The following ST7L variants were observed in gnomAD, a reference collection of about 807,000 sequenced individuals.
ST7L encodes suppression of tumorigenicity 7 like.
In ST7L, 57 loss-of-function variants were observed where a neutral mutation model predicts 72.5. That is an observed-to-expected ratio of 0.79 (90% CI 0.64 to 0.98). The LOEUF is 0.98. Ranked by LOEUF, ST7L falls within the 50% of genes least tolerant of loss-of-function variation. ST7L has a pLI of 0.00. For missense variants in ST7L, 576 were observed against 672.2 expected, an observed-to-expected ratio of 0.86 and a Z score of 1.58; for synonymous variants, 221 against 240.9, an observed-to-expected ratio of 0.92 and a Z score of 0.77.
At chr1:112,591,963 C>G (rs573339732) in intron 5 of ST7L, among the ~76,000 whole-genome samples, 1 of 151,908 alleles carries the variant, frequency 6.6e-6, no homozygotes, top group African/African-American at 2.4e-5. Flanking sequence ...CTACTTTTAT[C>G]ATTCTGAAAA....
At chr1:112,520,160 G>A, downstream of ST7L, 1 of 926,198 alleles carries the variant, frequency 1.1e-6, no homozygotes. Flanking sequence ...GCATGAGTGA[G>A]CCACTGTGCC....
intron 13 of ST7L, among the ~76,000 whole-genome samples, chr1:112,546,674 T>A (rs143949321): frequency 6.6e-6 from 1 of 152,208 alleles, no homozygotes; most frequent in Non-Finnish European, 1.5e-5. Context: ...TAGTCCCTTA[T>A]GAAGTCCAAA....
chr1:112,540,604 A>G, intron 14 of ST7L: 2 of 985,456 alleles, frequency 2.0e-6, no homozygotes, highest in East Asian at 1.1e-4. Flanking sequence ...AACTTAACAC[A>G]TTATATGGTT....
chr1:112,558,807 C>A (rs191845759), intron 11 of ST7L, among the ~76,000 whole-genome samples: 1 of 152,232 alleles, frequency 6.6e-6, no homozygotes, highest in East Asian at 1.9e-4. Context: ...CTAATCCTTG[C>A]CCATTTTTTT....
intron 2 of ST7L, among the ~76,000 whole-genome samples, chr1:112,614,433 A>G (rs943362314): frequency 6.6e-6 from 1 of 152,192 alleles, no homozygotes; most frequent in Non-Finnish European, 1.5e-5. Context: ...TGGACTAAAC[A>G]TGCTAAAATA....
At chr1:112,573,003 G>A (rs1166665445) in intron 11 of ST7L, among the ~76,000 whole-genome samples, 1 of 152,032 alleles carries the variant, frequency 6.6e-6, no homozygotes, top group East Asian at 1.9e-4. Context: ...AGTAAGATTG[G>A]CAAATCCCTA....
rs192894584 is a variant in ST7L at position 112,529,899 on chromosome 1, T to G, written c.1630-3788A>C. The G allele has an allele frequency of 4.6e-5, 7 of 152,302 alleles. No individual in the cohort carries two copies. In the East Asian group the frequency reaches 1.3e-3, roughly 29 times the overall value. The allele number at this position is 152,302 out of a possible 1,614,324, so 9.4% of individuals were successfully genotyped here. A position where few individuals can be genotyped will look rare whatever the true frequency, so the allele number is the denominator to read the frequency against. ...AATGTTAGCAGACACAGTTGCTAGT[T>G]TGAACAGGAATGCAGATGAATGGAT... On this transcript the variant is annotated intron_variant, in intron 14 of 14. Coordinates refer to ENST00000358039, the MANE Select transcript of ST7L (RefSeq NM_017744.5).
At chr1:112,549,898 C>A (rs1384828326) in intron 13 of ST7L, among the ~76,000 whole-genome samples, 1 of 152,018 alleles carries the variant, frequency 6.6e-6, no homozygotes, top group East Asian at 1.9e-4. Flanking sequence ...CAGTCTTTCT[C>A]CATTAAATAT....
chr1:112,578,769 C>T (rs1043380653), intron 9 of ST7L, among the ~76,000 whole-genome samples: 5 of 151,660 alleles, frequency 3.3e-5, no homozygotes, highest in African/African-American at 4.8e-5. Flanking sequence ...AGTGAAACTC[C>T]GTCTCCAAAA....
intron 11 of ST7L, among the ~76,000 whole-genome samples, chr1:112,568,865 T>TAAATAAATAA (rs1205660972): frequency 1.9e-4 from 17 of 91,178 alleles, no homozygotes; most frequent in East Asian, 1.2e-3. Flanking sequence ...AATATAAATA[T>TAAATAAATAA]ATATATATAT....
Position 112,597,934 on chromosome 1 carries a change from G to C in ST7L, c.622+37C>G, listed in dbSNP as rs773182604. The C allele has an allele frequency of 4.8e-6, 7 of 1,452,416 alleles. No homozygotes were observed. In the African/African-American group the frequency reaches 8.6e-5, roughly 18 times the overall value. The allele number at this position is 1,452,416 out of a possible 1,614,324, so 90.0% of individuals were successfully genotyped here. ...AAAGAACTTTTAAGATGATCTTCAT[G>C]ATCACTGTTTATACTATGAACAGAT... is the stretch of plus-strand genomic sequence containing the variant. On this transcript the variant is annotated intron_variant, in intron 5 of 14. Coordinates refer to ENST00000358039, the MANE Select transcript of ST7L (RefSeq NM_017744.5).
intron 12 of ST7L, among the ~76,000 whole-genome samples, chr1:112,554,561 T>C (rs757754299): frequency 6.6e-6 from 1 of 152,192 alleles, no homozygotes; most frequent in African/African-American, 2.4e-5. Flanking sequence ...AAAAAAACAC[T>C]ACTGAGCTTC....
chr1:112,591,884 A>G (rs543135733), intron 5 of ST7L, among the ~76,000 whole-genome samples: 2 of 152,302 alleles, frequency 1.3e-5, no homozygotes, highest in East Asian at 3.9e-4. Flanking sequence ...GAACATTTAT[A>G]TATCTAAATG....
chr1:112,606,628 AAAATCTGAGTTAGT>A (rs1199963195), intron 3 of ST7L, among the ~76,000 whole-genome samples: 1 of 152,226 alleles, frequency 6.6e-6, no homozygotes, highest in Non-Finnish European at 1.5e-5. Flanking sequence ...TCTTCGTAAC[AAAATCTGAGTTAGT>A]CAGCTCAGGT....
intron 9 of ST7L, among the ~76,000 whole-genome samples, chr1:112,580,083 A>G (rs1663841123): frequency 6.6e-6 from 1 of 152,216 alleles, no homozygotes; most frequent in African/African-American, 2.4e-5. Context: ...AAACTTCCCA[A>G]GTCATGGGGA....
intron 3 of ST7L, among the ~76,000 whole-genome samples, chr1:112,605,169 A>G (rs1668029895): frequency 1.3e-5 from 2 of 151,232 alleles, no homozygotes; most frequent in Non-Finnish European, 2.9e-5. Context: ...AGGCGGGTGG[A>G]TCAAGAGATG....
At chr1:112,555,429 G>C (rs1481515374) in intron 12 of ST7L, among the ~76,000 whole-genome samples, 1 of 152,116 alleles carries the variant, frequency 6.6e-6, no homozygotes, top group East Asian at 1.9e-4. Context: ...GCCGGGCATG[G>C]TGGCAGGCGC....
intron 3 of ST7L, among the ~76,000 whole-genome samples, chr1:112,601,725 T>C (rs1225711517): frequency 6.6e-6 from 1 of 151,936 alleles, no homozygotes; most frequent in Non-Finnish European, 1.5e-5. Flanking sequence ...CCATACAGCA[T>C]GGTTAGGCTA....
chr1:112,542,059 CT>C lies in ST7L; in HGVS notation c.1520del (p.Lys507ArgfsTer19). 6.2e-7 allele frequency: 1 copy of C among 1,611,382 alleles called. No homozygotes were observed. The highest frequency in any genetic ancestry group is 1.7e-5 in the Admixed American group (1 of 59,484). On this transcript the variant is annotated frameshift_variant, in exon 14 of 15. Transcript: ENST00000358039. LOFTEE classifies it high-confidence loss of function. ...TGAAATGGATGAACAAAGGAAGCTC[CT>C]TTTTTGGGTAAACAGAAACATGATG... The part of the protein sequence containing the change: ...TFHHVSVYPK[K>X]ELPLFIHFTA...
Sources: allele counts gnomAD v4.1 joint callset (sites outside exome capture counted in the v4.1 genomes callset), GRCh38; gene constraint gnomAD v4.1.1; transcripts MANE v1.5; gene names NCBI Gene and HGNC (gene_info 2026-07-23, HGNC 2026-07-21).